The following PDE4B variants were observed in gnomAD, a reference collection of about 807,000 sequenced individuals.
The protein encoded by PDE4B is phosphodiesterase 4B, also known as 3',5'-cyclic-AMP phosphodiesterase 4B.
PDE4B carries 20 observed loss-of-function variants against 82.2 expected under a neutral mutation model. The observed-to-expected ratio is 0.24, with a 90% CI of 0.17 to 0.35. PDE4B has a LOEUF of 0.35. Among genes scored for constraint, PDE4B ranks in the 10% least tolerant of loss-of-function variants. The pLI is 1.00. For synonymous variants in PDE4B, 320 were observed against 318.9 expected (o/e 1.00, Z -0.04); for missense variants, 655 against 907.2 (o/e 0.72, Z 3.57).
chr1:65,864,698 C>A (rs1217102730), intron 1 of PDE4B, among the ~76,000 whole-genome samples: 27 of 152,188 alleles, frequency 1.8e-4, no homozygotes. Context: ...GTGGAGGCTG[C>A]AGAACAGTAA....
Position 66,361,641 on chromosome 1 carries a change from TCTC to T in PDE4B, c.871_873del (p.Pro291del), listed in dbSNP as rs749971384. 4 of 1,613,084 alleles carry T rather than the reference TCTC, an allele frequency of 2.5e-6. No homozygotes were observed. The highest frequency in any genetic ancestry group is 3.4e-6 in the Non-Finnish European group (4 of 1,179,368). ...CAAGCAGAATGATGTGGAGATCCCA[TCTC>T]CTACCCAGAAAGACAGGGAGAAAAA... On this transcript the variant is annotated inframe_deletion, in exon 10 of 17. Transcript: ENST00000341517.
At chr1:65,854,520 A>T (rs1472026644) in intron 1 of PDE4B, among the ~76,000 whole-genome samples, 1 of 151,500 alleles carries the variant, frequency 6.6e-6, no homozygotes, top group Non-Finnish European at 1.5e-5. Context: ...ATAAAATTCT[A>T]GATTGTCAGT....
At chr1:66,167,090 T>A (rs1646748843) in intron 3 of PDE4B, among the ~76,000 whole-genome samples, 1 of 152,214 alleles carries the variant, frequency 6.6e-6, no homozygotes, top group Non-Finnish European at 1.5e-5. Context: ...GGAACTCTCA[T>A]ACATTTCTGG....
chr1:65,866,809 T>G (rs913193365), intron 1 of PDE4B, among the ~76,000 whole-genome samples: 57 of 152,288 alleles, frequency 3.7e-4, no homozygotes, highest in South Asian at 6.2e-4. Context: ...AAGGATTGAT[T>G]AGAGAGACTT....
At chr1:65,815,182 A>AT (rs1187671321) in intron 1 of PDE4B, among the ~76,000 whole-genome samples, 7 of 150,930 alleles carry the variant, frequency 4.6e-5, no homozygotes, top group East Asian at 1.9e-4. Flanking sequence ...AGCATTAGGT[A>AT]ATCTCCCAGT....
chr1:65,822,591 C>G (rs1645965442), intron 1 of PDE4B, among the ~76,000 whole-genome samples: 2 of 152,106 alleles, frequency 1.3e-5, no homozygotes, highest in African/African-American at 4.8e-5. Flanking sequence ...AGAGGTGAGA[C>G]TTTCTGGAGG....
intron 1 of PDE4B, among the ~76,000 whole-genome samples, chr1:65,885,762 G>A (rs1259278272): frequency 1.3e-5 from 2 of 151,694 alleles, no homozygotes; most frequent in Non-Finnish European, 2.9e-5. Flanking sequence ...CCTAATGTAA[G>A]TGATGAGTTA....
Position 66,368,769 on chromosome 1 carries a change from A to C in PDE4B, c.1663-18A>C, listed in dbSNP as rs1557734777. The C allele has an allele frequency of 6.7e-7, 1 of 1,496,092 alleles. No homozygotes were observed. Among genetic ancestry groups the C allele is most frequent in the Non-Finnish European group, 9.0e-7 (1 of 1,113,776 alleles). 92.7% of individuals were successfully genotyped at this position (1,496,092 alleles called of 1,614,324 possible). ...TTACACCTAATTTTATGAGATTTCCAAAACTTGATGATTTCAGGTCCTTCG... is the reference window on the plus strand; with the variant it reads ...TTACACCTAATTTTATGAGATTTCCCAAACTTGATGATTTCAGGTCCTTCG... On this transcript the variant is annotated intron_variant, in intron 15 of 16. Transcript: ENST00000341517.
Position 66,200,425 on chromosome 1 carries a change from A to T in PDE4B, c.282-47035A>T, listed in dbSNP as rs549713149. The stretch of plus-strand genomic sequence containing the variant: ...GATGGGGATGGCACTGAATCTATAA[A>T]TTACCTTGGGCAGTATGGCCATTTT... On this transcript the variant is annotated intron_variant, in intron 3 of 16. Coordinates refer to ENST00000341517, the MANE Select transcript of PDE4B (RefSeq NM_002600.4). 4.6e-5 allele frequency among the ~76,000 whole-genome samples: 7 copies of T among 152,246 alleles called. No individual in the cohort carries two copies. The South Asian group carries it at 1.5e-3, about 32-fold the overall frequency.
At chr1:65,819,069 A>G (rs1228147674) in intron 1 of PDE4B, among the ~76,000 whole-genome samples, 1 of 152,174 alleles carries the variant, frequency 6.6e-6, no homozygotes, top group African/African-American at 2.4e-5. Context: ...TACCTTGAAC[A>G]TTGCCAATTG....
chr1:66,066,771 T>C (rs1036269685), intron 3 of PDE4B, among the ~76,000 whole-genome samples: 6 of 151,986 alleles, frequency 3.9e-5, no homozygotes, highest in African/African-American at 1.2e-4. Context: ...TATTTAAGAA[T>C]GTTGGCTTTT....
At position 66,351,434 on chromosome 1, in the gene PDE4B, G is replaced by C. The variant is rs1011287038; in HGVS notation, c.748-4093G>C. 2.6e-5 allele frequency among the ~76,000 whole-genome samples: 4 copies of C among 152,110 alleles called. No individual in the cohort carries two copies. The East Asian group carries it at 7.7e-4, about 29-fold the overall frequency. Reference sequence around the variant, plus strand: ...TTTACCCAGGAGCTATTTTACCTTCGAGTCTGGATGAAACGTGTAACTTAA... The same window carrying C: ...TTTACCCAGGAGCTATTTTACCTTCCAGTCTGGATGAAACGTGTAACTTAA... On this transcript the variant is annotated intron_variant, in intron 8 of 16. Transcript: ENST00000341517.
chr1:65,803,164 A>G (rs1380380242), intron 1 of PDE4B, among the ~76,000 whole-genome samples: 1 of 152,182 alleles, frequency 6.6e-6, no homozygotes, highest in Non-Finnish European at 1.5e-5. Context: ...TTGAAGGTTT[A>G]TTCTCCAATT....
chr1:65,971,333 A>G (rs534067818), intron 3 of PDE4B, among the ~76,000 whole-genome samples: 4 of 152,236 alleles, frequency 2.6e-5, no homozygotes, highest in African/African-American at 7.2e-5. Flanking sequence ...TATATAAAAC[A>G]TCTCCATTAA....
At chr1:65,815,346 T>C (rs934375722) in intron 1 of PDE4B, among the ~76,000 whole-genome samples, 3 of 152,116 alleles carry the variant, frequency 2.0e-5, no homozygotes, top group Non-Finnish European at 2.9e-5. Context: ...ATTAAGTTGG[T>C]GTTTCAAGTC....
chr1:65,808,652 TG>T (rs1436072062), intron 1 of PDE4B, among the ~76,000 whole-genome samples: 2 of 152,150 alleles, frequency 1.3e-5, no homozygotes, highest in Non-Finnish European at 2.9e-5. Context: ...TTAATGGCAG[TG>T]GGGGCCCTCT....
intron 8 of PDE4B, among the ~76,000 whole-genome samples, chr1:66,342,697 T>A: frequency 7.0e-6 from 1 of 143,272 alleles, no homozygotes; most frequent in Non-Finnish European, 1.5e-5. Flanking sequence ...TCCACTGAAC[T>A]CCAGCCTGGG....
chr1:65,847,759 C>G (rs1046196506), intron 1 of PDE4B, among the ~76,000 whole-genome samples: 2 of 152,272 alleles, frequency 1.3e-5, no homozygotes, highest in Admixed American at 6.5e-5. Flanking sequence ...GGTGGCAGTT[C>G]TTTAGTATAC....
intron 3 of PDE4B, among the ~76,000 whole-genome samples, chr1:66,184,719 A>G (rs1396915920): frequency 1.3e-5 from 2 of 152,150 alleles, no homozygotes; most frequent in Admixed American, 1.3e-4. Flanking sequence ...CAAGTAATAC[A>G]TAAATATTAT....
Sources: gnomAD v4.1 joint callset for allele counts (sites outside exome capture counted in the v4.1 genomes callset) on GRCh38, gnomAD v4.1.1 for gene constraint, MANE v1.5 for transcripts, NCBI Gene and HGNC (gene_info 2026-07-23, HGNC 2026-07-21) for gene names.